BMPR1B: variants seen among roughly 807,000 people sequenced by gnomAD.
BMPR1B encodes the protein bone morphogenetic protein receptor type 1B.
In BMPR1B, 12 loss-of-function variants were observed where a neutral mutation model predicts 59.1. The observed-to-expected ratio is 0.20, with a 90% CI of 0.13 to 0.33. The LOEUF is 0.33. Ranked by LOEUF, BMPR1B falls within the 10% of genes least tolerant of loss-of-function variation. BMPR1B has a pLI of 1.00. For synonymous variants in BMPR1B, 237 were observed against 207.3 expected, an observed-to-expected ratio of 1.14 and a Z score of -1.23; for missense variants, 550 against 610.9, an observed-to-expected ratio of 0.90 and a Z score of 1.05.
intron 2 of BMPR1B, among the ~76,000 whole-genome samples, chr4:94,878,224 T>A (rs1430940943): frequency 6.6e-6 from 1 of 152,180 alleles, no homozygotes; most frequent in Non-Finnish European, 1.5e-5. Context: ...AGGGGACTGG[T>A]TTCCACTGTT....
intron 1 of BMPR1B, among the ~76,000 whole-genome samples, chr4:94,806,846 C>A (rs908609419): frequency 2.0e-5 from 3 of 151,810 alleles, no homozygotes; most frequent in African/African-American, 7.3e-5. Flanking sequence ...TTTAACTGAG[C>A]TTCTTGTGTT....
At chr4:95,001,583 A>G (rs1208486778) in intron 3 of BMPR1B, among the ~76,000 whole-genome samples, 1 of 152,198 alleles carries the variant, frequency 6.6e-6, no homozygotes, top group Admixed American at 6.6e-5. Context: ...GATTATGTCT[A>G]AGATTAGAAT....
At chr4:94,927,844 G>A (rs1240349004) in intron 2 of BMPR1B, among the ~76,000 whole-genome samples, 1 of 152,010 alleles carries the variant, frequency 6.6e-6, no homozygotes, top group Non-Finnish European at 1.5e-5. Flanking sequence ...GATAGTAAAG[G>A]GCCTAATTGC....
At chr4:95,042,696 CATT>C (rs1342861160) in intron 3 of BMPR1B, among the ~76,000 whole-genome samples, 1 of 152,142 alleles carries the variant, frequency 6.6e-6, no homozygotes, top group East Asian at 1.9e-4. Context: ...TGATCATTAT[CATT>C]GTTGTCATCA....
intron 3 of BMPR1B, among the ~76,000 whole-genome samples, chr4:95,008,139 G>A (rs1417327666): frequency 6.6e-6 from 1 of 152,148 alleles, no homozygotes; most frequent in Admixed American, 6.6e-5. Flanking sequence ...TGGTATGTCA[G>A]TAAAGAGTTT....
intron 10 of BMPR1B, among the ~76,000 whole-genome samples, chr4:95,142,284 T>C (rs1734287646): frequency 6.6e-6 from 1 of 152,160 alleles, no homozygotes; most frequent in Non-Finnish European, 1.5e-5. Flanking sequence ...CAGCCCCTTC[T>C]TCCATAGACT....
At chr4:94,792,685 G>T (rs1280109035) in intron 1 of BMPR1B, among the ~76,000 whole-genome samples, 1 of 152,096 alleles carries the variant, frequency 6.6e-6, no homozygotes, top group East Asian at 1.9e-4. Flanking sequence ...TTTACTTGAC[G>T]ATGCTAGAGA....
chr4:95,143,803 G>C (rs1230942927), intron 10 of BMPR1B, among the ~76,000 whole-genome samples: 1 of 152,144 alleles, frequency 6.6e-6, no homozygotes. Flanking sequence ...TTCACTGCTT[G>C]TCTGGGAATT....
intron 1 of BMPR1B, 36 bp downstream of exon 1, chr4:94,758,104 G>C (rs1391254584): frequency 6.7e-6 from 1 of 148,958 alleles, no homozygotes; most frequent in Non-Finnish European, 1.5e-5. Context: ...TCCCCTGCGG[G>C]TGGCCGAGTT....
At chr4:94,885,283 C>G (rs1216604960) in intron 2 of BMPR1B, among the ~76,000 whole-genome samples, 1 of 152,144 alleles carries the variant, frequency 6.6e-6, no homozygotes, top group African/African-American at 2.4e-5. Context: ...ATATTAGTGC[C>G]TTTTCCACCT....
chr4:94,758,521 C>G (rs1459513671), intron 1 of BMPR1B, among the ~76,000 whole-genome samples: 1 of 150,734 alleles, frequency 6.6e-6, no homozygotes, highest in African/African-American at 2.5e-5. Flanking sequence ...TGGGAGGGAG[C>G]CCGGCGGGGC....
rs981103679 is a variant in BMPR1B at position 95,122,971 on chromosome 4, G to C, written c.350-839G>C. On this transcript the variant is annotated intron_variant, in intron 6 of 12. Transcript: ENST00000515059. The stretch of plus-strand genomic sequence containing the variant: ...TATAAGTGCACCTGGTTTTAAGTCA[G>C]TTTCCTCAAAATATGTCCCAGAAAT... Among the ~76,000 whole-genome samples, 6 of 152,178 alleles carry C rather than the reference G, an allele frequency of 3.9e-5. No individual in the cohort carries two copies. The East Asian group carries it at 9.7e-4, about 25-fold the overall frequency.
At chr4:94,807,918 C>T (rs1171820712) in intron 1 of BMPR1B, among the ~76,000 whole-genome samples, 1 of 152,114 alleles carries the variant, frequency 6.6e-6, no homozygotes, top group Admixed American at 6.6e-5. Flanking sequence ...AGACTCCTAG[C>T]CTCAAGTGAT....
At chr4:95,082,531 G>T (rs1442665381) in intron 3 of BMPR1B, among the ~76,000 whole-genome samples, 1 of 152,020 alleles carries the variant, frequency 6.6e-6, no homozygotes, top group African/African-American at 2.4e-5. Context: ...ACCTGTAATA[G>T]GGGATAAATG....
intron 3 of BMPR1B, among the ~76,000 whole-genome samples, chr4:95,027,926 G>A (rs1457886425): frequency 6.6e-6 from 1 of 152,118 alleles, no homozygotes; most frequent in Non-Finnish European, 1.5e-5. Flanking sequence ...AGTCACCAAA[G>A]TAAAGGAAAG....
intron 3 of BMPR1B, among the ~76,000 whole-genome samples, chr4:95,021,655 C>A (rs973577199): frequency 1.3e-5 from 2 of 152,028 alleles, no homozygotes; most frequent in Non-Finnish European, 2.9e-5. Context: ...GGCAGAAATG[C>A]TATGCAAAAT....
intron 3 of BMPR1B, among the ~76,000 whole-genome samples, chr4:95,045,763 C>T (rs972893031): frequency 3.3e-5 from 5 of 152,182 alleles, no homozygotes; most frequent in Non-Finnish European, 7.3e-5. Flanking sequence ...TGTTTGTCTT[C>T]ACCCACTAGA....
At chr4:94,887,054 C>T (rs745824150) in intron 2 of BMPR1B, among the ~76,000 whole-genome samples, 15 of 151,494 alleles carry the variant, frequency 9.9e-5, no homozygotes, top group Admixed American at 2.6e-4. Context: ...TAAAAAGGAA[C>T]GAAGAGCGAT....
chr4:94,943,226 T>C (rs6839383), intron 2 of BMPR1B, among the ~76,000 whole-genome samples: 112,831 of 151,558 alleles, frequency 0.74, 42,174 homozygotes, highest in African/African-American at 0.83. Context: ...CCGCAACCTC[T>C]GCTCCCAGGT....
Sources: allele counts gnomAD v4.1 joint callset (sites outside exome capture counted in the v4.1 genomes callset), GRCh38; gene constraint gnomAD v4.1.1; transcripts MANE v1.5; gene names NCBI Gene and HGNC (gene_info 2026-07-23, HGNC 2026-07-21).